The following GNB1 variants were observed in gnomAD, a reference collection of about 807,000 sequenced individuals.
The protein encoded by GNB1 is guanine nucleotide-binding protein G(I)/G(S)/G(T) subunit beta-1.
GNB1 carries 2 observed loss-of-function variants against 42.9 expected under a neutral mutation model. The ratio of observed to expected loss-of-function variants is 0.05; its 90% CI spans 0.02 to 0.15. GNB1 has a LOEUF of 0.15. Among genes scored for constraint, GNB1 ranks in the 10% least tolerant of loss-of-function variants. GNB1 has a pLI of 1.00. For synonymous variants in GNB1, 183 were observed against 174.7 expected (o/e 1.05, Z -0.38); for missense variants, 193 against 462.2 (o/e 0.42, Z 5.34).
chr1:1,844,020 C>A (rs191549079), intron 1 of GNB1, among the ~76,000 whole-genome samples: 113 of 152,064 alleles, frequency 7.4e-4, no homozygotes, highest in Non-Finnish European at 1.3e-3. Context: ...TCGATGAAAC[C>A]CCGTCTCTAC....
chr1:1,866,103 T>A (rs1043694770), intron 1 of GNB1, among the ~76,000 whole-genome samples: 1 of 152,200 alleles, frequency 6.6e-6, no homozygotes, highest in Non-Finnish European at 1.5e-5. Context: ...CACGGCCAGC[T>A]AATTTTTTCT....
chr1:1,796,691 C>A (rs548064080), intron 7 of GNB1, among the ~76,000 whole-genome samples: 3 of 152,246 alleles, frequency 2.0e-5, no homozygotes, highest in African/African-American at 7.2e-5. Flanking sequence ...GAAAACAGAC[C>A]CTGAACAAAA....
chr1:1,880,328 C>T (rs1163397587), intron 1 of GNB1, among the ~76,000 whole-genome samples: 2 of 152,154 alleles, frequency 1.3e-5, no homozygotes, highest in East Asian at 1.9e-4. Context: ...AGGCCGGACA[C>T]GGCGGCTCAC....
intron 1 of GNB1, among the ~76,000 whole-genome samples, chr1:1,851,158 C>T (rs1034226646): frequency 6.6e-6 from 1 of 152,176 alleles, no homozygotes; most frequent in Admixed American, 6.6e-5. Context: ...GCCTGCAATT[C>T]CCAGCACTTT....
At chr1:1,871,438 C>T (rs1649242202) in intron 1 of GNB1, among the ~76,000 whole-genome samples, 1 of 152,072 alleles carries the variant, frequency 6.6e-6, no homozygotes, top group Non-Finnish European at 1.5e-5. Flanking sequence ...CCAGCCACGG[C>T]AACAGAGTGA....
intron 2 of GNB1, among the ~76,000 whole-genome samples, chr1:1,828,674 T>C (rs547924931): frequency 6.6e-6 from 1 of 152,282 alleles, no homozygotes; most frequent in Non-Finnish European, 1.5e-5. Context: ...ATAGCAGAAA[T>C]TATTATAGCA....
chr1:1,797,289 T>C (rs1646559600), intron 7 of GNB1, among the ~76,000 whole-genome samples: 1 of 152,214 alleles, frequency 6.6e-6, no homozygotes, highest in Non-Finnish European at 1.5e-5. Context: ...TGAAACTCTC[T>C]ACAGCTCCTG....
At chr1:1,849,422 T>C (rs1647859703) in intron 1 of GNB1, among the ~76,000 whole-genome samples, 1 of 152,214 alleles carries the variant, frequency 6.6e-6, no homozygotes, top group Admixed American at 6.5e-5. Flanking sequence ...GGAAGTCTTT[T>C]GTGGGACTAG....
intron 1 of GNB1, among the ~76,000 whole-genome samples, chr1:1,853,025 T>C (rs1648076876): frequency 6.6e-6 from 1 of 152,040 alleles, no homozygotes; most frequent in African/African-American, 2.4e-5. Flanking sequence ...CAGCACCCCT[T>C]TCCTTTCCAA....
intron 1 of GNB1, among the ~76,000 whole-genome samples, chr1:1,876,414 T>G (rs953223174): frequency 1.3e-5 from 2 of 151,642 alleles, no homozygotes; most frequent in African/African-American, 4.8e-5. Flanking sequence ...GCCTCCTGGA[T>G]AGCTGGGACT....
intron 1 of GNB1, among the ~76,000 whole-genome samples, chr1:1,886,122 G>C (rs943442239): frequency 6.6e-6 from 1 of 151,674 alleles, no homozygotes; most frequent in Non-Finnish European, 1.5e-5. Flanking sequence ...GACCAGCCTG[G>C]CCAACATGGT....
At chr1:1,885,529 T>A (rs1650098406) in intron 1 of GNB1, among the ~76,000 whole-genome samples, 1 of 148,190 alleles carries the variant, frequency 6.7e-6, no homozygotes, top group African/African-American at 2.5e-5. Flanking sequence ...AAGACATAAA[T>A]AAGGAAATAC....
chr1:1,882,000 G>A (rs926852459), intron 1 of GNB1, among the ~76,000 whole-genome samples: 1 of 152,094 alleles, frequency 6.6e-6, no homozygotes, highest in Non-Finnish European at 1.5e-5. Context: ...ATGAGAAGCT[G>A]CCACTGAACT....
At chr1:1,861,478 T>A (rs891774303) in intron 1 of GNB1, among the ~76,000 whole-genome samples, 3 of 151,026 alleles carry the variant, frequency 2.0e-5, no homozygotes, top group Admixed American at 6.6e-5. Context: ...ATAATAATAA[T>A]AAAAACCCAG....
intron 3 of GNB1, among the ~76,000 whole-genome samples, chr1:1,824,613 C>T (rs1445143473): frequency 1.3e-5 from 2 of 151,928 alleles, no homozygotes; most frequent in African/African-American, 4.8e-5. Flanking sequence ...CACTCTGACG[C>T]CCAGGTTGGA....
intron 1 of GNB1, among the ~76,000 whole-genome samples, chr1:1,871,071 CTA>C (rs1156885122): frequency 6.6e-6 from 1 of 152,184 alleles, no homozygotes; most frequent in African/African-American, 2.4e-5. Flanking sequence ...CTTCCATCTC[CTA>C]TGTTTCAATT....
rs776746204 is a variant in GNB1, at chr1:1,790,621, G to C, written c.498-25C>G. On this transcript the variant is annotated intron_variant, in intron 8 of 11. Coordinates refer to ENST00000378609, the MANE Select transcript of GNB1 (RefSeq NM_002074.5). This position sits in a 1 kb window ranked among gnomAD's most constrained non-coding sequence, Gnocchi z 5.4. ...ACTGGAGCAGGAGCGAATGACAAGG[G>C]GACATCAGCCTTAACTTCTTGGGTG... 6.4e-7 allele frequency: 1 copy of C among 1,562,614 alleles called. No individual in the cohort carries two copies. The highest frequency in any genetic ancestry group is 1.1e-5 in the South Asian group (1 of 89,588).
intron 1 of GNB1, among the ~76,000 whole-genome samples, chr1:1,840,850 A>G (rs1359797022): frequency 6.6e-6 from 1 of 152,176 alleles, no homozygotes; most frequent in Non-Finnish European, 1.5e-5. Context: ...TGGAATGAAA[A>G]TATGTCCAAT....
chr1:1,830,454 G>T (rs1360260128), intron 2 of GNB1, among the ~76,000 whole-genome samples: 1 of 151,166 alleles, frequency 6.6e-6, no homozygotes, highest in African/African-American at 2.4e-5. Flanking sequence ...GTAGGGACGG[G>T]GTTTCACCGT....
Sources: gnomAD v4.1 joint callset for allele counts (sites outside exome capture counted in the v4.1 genomes callset) on GRCh38, gnomAD v4.1.1 for gene constraint, Gnocchi (gnomAD v3.1) non-coding constraint, MANE v1.5 for transcripts, NCBI Gene and HGNC (gene_info 2026-07-23, HGNC 2026-07-21) for gene names.